Variants in SNRK observed in about 807,000 individuals in gnomAD.
SNRK encodes the protein SNF related kinase.
In SNRK, 3 loss-of-function variants were observed where a neutral mutation model predicts 48.2. The ratio of observed to expected loss-of-function variants is 0.06; its 90% confidence interval spans 0.03 to 0.16. SNRK has a LOEUF of 0.16. Among genes scored for constraint, SNRK ranks in the 10% least tolerant of loss-of-function variants. The probability of loss-of-function intolerance (pLI) is 1.00; values close to 1 mark genes in which losing one functional copy is unlikely to be tolerated. For synonymous variants in SNRK, 376 were observed against 366.1 expected (o/e 1.03, Z -0.31); for missense variants, 627 against 976.0 (o/e 0.64, Z 4.76).
chr3:43,324,160 A>G (rs928275442), intron 3 of SNRK, among the ~76,000 whole-genome samples: 8 of 152,342 alleles, frequency 5.3e-5, no homozygotes, highest in African/African-American at 1.4e-4. Flanking sequence ...GCTAATAGTA[A>G]GGATTATCTA....
Position 43,303,455 on chromosome 3 carries a change from C to T in SNRK, c.252C>T (p.Thr84=). ...NIVRLYEVID[T]QTKLYLILEL... is the part of the protein sequence containing the mutation. ...TCCGCCTTTATGAAGTTATTGACAC[C>T]CAGACCAAACTATATCTTATTCTAG... The change falls in exon 3 of 7, where the codon ACC becomes ACT. Residue 84 remains threonine, a synonymous_variant. Coordinates refer to ENST00000296088, the MANE Select transcript of SNRK (RefSeq NM_017719.5). This position sits in a 1 kb window ranked among gnomAD's most constrained non-coding sequence, Gnocchi z 6.2. 3.1e-6 allele frequency: 5 copies of T among 1,614,038 alleles called. No individual in the cohort carries two copies. Among genetic ancestry groups the T allele is most frequent in the Non-Finnish European group, 4.2e-6 (5 of 1,180,000 alleles).
At chr3:43,310,292 C>T (rs1008236539) in intron 3 of SNRK, among the ~76,000 whole-genome samples, 1 of 151,810 alleles carries the variant, frequency 6.6e-6, no homozygotes, top group African/African-American at 2.4e-5. Flanking sequence ...ATTATTCAAG[C>T]TTTCTTTGCT....
chr3:43,333,118 G>A (rs1187914564), intron 4 of SNRK: 1 of 151,966 alleles, frequency 6.6e-6, no homozygotes, highest in Non-Finnish European at 1.5e-5. Context: ...GGATGTTTAA[G>A]AACTTAGGTA....
intron 4 of SNRK, among the ~76,000 whole-genome samples, chr3:43,338,041 C>T (rs565764331): frequency 1.4e-4 from 22 of 152,292 alleles, no homozygotes; most frequent in Admixed American, 8.5e-4. Context: ...TGAGCCACTG[C>T]GTCTGGCCTC....
intron 3 of SNRK, among the ~76,000 whole-genome samples, chr3:43,329,425 G>A (rs112999528): frequency 1.3e-5 from 2 of 151,552 alleles, no homozygotes; most frequent in African/African-American, 2.4e-5. Context: ...GTGACAGAGC[G>A]AGACTCCGTC....
intron 3 of SNRK, among the ~76,000 whole-genome samples, 192 bp from the exon 4 acceptor site, chr3:43,331,977 A>G (rs567722143): frequency 6.6e-6 from 1 of 152,332 alleles, no homozygotes; most frequent in Non-Finnish European, 1.5e-5. Flanking sequence ...TGTACTAGCA[A>G]TTACTGTAAA....
chr3:43,307,158 C>G (rs1480244625), intron 3 of SNRK, among the ~76,000 whole-genome samples: 1 of 152,008 alleles, frequency 6.6e-6, no homozygotes, highest in Non-Finnish European at 1.5e-5. Flanking sequence ...GTAATTTAAC[C>G]ATTTTTTGCT....
intron 1 of SNRK, among the ~76,000 whole-genome samples, chr3:43,290,047 C>T (rs2090798726): frequency 6.6e-6 from 1 of 152,194 alleles, no homozygotes; most frequent in Non-Finnish European, 1.5e-5. Flanking sequence ...CTCCAGGAAC[C>T]TGGATTACAC....
intron 3 of SNRK, among the ~76,000 whole-genome samples, chr3:43,316,631 T>C (rs2125629222): frequency 6.6e-6 from 1 of 152,268 alleles, no homozygotes; most frequent in Non-Finnish European, 1.5e-5. Flanking sequence ...TTAATTTTTT[T>C]TTTCTTCCCT....
intron 1 of SNRK, among the ~76,000 whole-genome samples, chr3:43,296,220 A>G (rs17406148): frequency 0.027 from 4,073 of 151,854 alleles, 190 homozygotes; most frequent in African/African-American, 0.091. Flanking sequence ...GAGAGTGTTA[A>G]TTCCTTTACT....
intron 3 of SNRK, among the ~76,000 whole-genome samples, chr3:43,304,905 A>T (rs1418942489): frequency 1.3e-5 from 2 of 152,104 alleles, no homozygotes; most frequent in Non-Finnish European, 2.9e-5. Context: ...GACTTCACTG[A>T]AGTCTTTCAT....
intron 3 of SNRK, among the ~76,000 whole-genome samples, chr3:43,316,527 C>A (rs1042077307): frequency 1.3e-5 from 2 of 151,974 alleles, no homozygotes; most frequent in Non-Finnish European, 2.9e-5. Flanking sequence ...AAGATATTTT[C>A]AACATTTTAA....
At position 43,286,633 on chromosome 3, in the gene SNRK, G is replaced by C. The variant is rs1190733985; in HGVS notation, c.-211G>C. The C allele has an allele frequency of 6.7e-6, 1 of 150,000 alleles. No homozygotes were observed. Among genetic ancestry groups the C allele is most frequent in the Non-Finnish European group, 1.5e-5 (1 of 67,234 alleles). 9.3% of individuals were successfully genotyped at this position (150,000 alleles called of 1,614,324 possible). A position where few individuals can be genotyped will look rare whatever the true frequency, so the allele number is the denominator to read the frequency against. On this transcript the variant is annotated 5_prime_UTR_variant, in exon 1 of 7. Coordinates refer to ENST00000296088, the MANE Select transcript of SNRK (RefSeq NM_017719.5). ...TTTCGGCGGCCGGGAGGGAGTTGTCGGCGCCGCGGCCGCTGCGGACGGACG... is the reference window on the plus strand; with the variant it reads ...TTTCGGCGGCCGGGAGGGAGTTGTCCGCGCCGCGGCCGCTGCGGACGGACG...
intron 3 of SNRK, among the ~76,000 whole-genome samples, chr3:43,318,814 C>T (rs910783522): frequency 3.3e-5 from 5 of 151,908 alleles, no homozygotes; most frequent in African/African-American, 1.2e-4. Flanking sequence ...TCACATGAAG[C>T]CAGGAGAGTT....
chr3:43,334,784 A>G (rs1320414477), intron 4 of SNRK, among the ~76,000 whole-genome samples: 5 of 152,096 alleles, frequency 3.3e-5, no homozygotes, highest in Admixed American at 2.0e-4. Flanking sequence ...AGTAAAGGCA[A>G]GGTTTTAACA....
At chr3:43,302,578 G>C (rs1420333123) in intron 2 of SNRK, among the ~76,000 whole-genome samples, 1 of 151,926 alleles carries the variant, frequency 6.6e-6, no homozygotes, top group East Asian at 1.9e-4. Flanking sequence ...GGTGCTCTGG[G>C]GATATTGAGG....
intron 3 of SNRK, among the ~76,000 whole-genome samples, chr3:43,312,170 C>T (rs1290501831): frequency 6.6e-6 from 1 of 152,146 alleles, no homozygotes; most frequent in Non-Finnish European, 1.5e-5. Flanking sequence ...TATTCAGTCT[C>T]TGCATTAATT....
Position 43,303,140 on chromosome 3 carries a change from G to C in SNRK, c.-64G>C. 1 of 1,195,970 alleles carries C rather than the reference G, an allele frequency of 8.4e-7. No individual in the cohort carries two copies. Among genetic ancestry groups the C allele is most frequent in the Non-Finnish European group, 1.2e-6 (1 of 848,858 alleles). The allele number at this position is 1,195,970 out of a possible 1,614,324, so 74.1% of individuals were successfully genotyped here. On this transcript the variant is annotated 5_prime_UTR_variant, in exon 3 of 7. Coordinates refer to ENST00000296088, the MANE Select transcript of SNRK (RefSeq NM_017719.5). The surrounding 1 kb of genome is among the most constrained non-coding windows in gnomAD (Gnocchi z 6.2). ...GAAAATGAATTTTTTGTATTCACCA[G>C]ATATTCTTATATGAGAAGATCTATT...
At chr3:43,343,294 A>T in intron 5 of SNRK, 50 bp from the exon 6 acceptor site, 3 of 1,527,098 alleles carry the variant, frequency 2.0e-6, no homozygotes, top group East Asian at 2.4e-5. Flanking sequence ...GCTTCTTGTA[A>T]AAAAACCTCC....
Sources: gnomAD v4.1 joint callset for allele counts (sites outside exome capture counted in the v4.1 genomes callset) on GRCh38, gnomAD v4.1.1 for gene constraint, Gnocchi (gnomAD v3.1) non-coding constraint, MANE v1.5 for transcripts, NCBI Gene and HGNC (gene_info 2026-07-23, HGNC 2026-07-21) for gene names.